The following CABCOCO1 variants were observed in gnomAD, a reference collection of about 807,000 sequenced individuals.
CABCOCO1 encodes ciliary associated calcium binding coiled-coil 1.
In CABCOCO1, 28 loss-of-function variants were observed where a neutral mutation model predicts 35.7. The observed-to-expected ratio is 0.78, with a 90% confidence interval of 0.58 to 1.07. The LOEUF is 1.07. Ranked by LOEUF, CABCOCO1 falls within the 50% of genes least tolerant of loss-of-function variation. The pLI is 0.00. For synonymous variants in CABCOCO1, 95 were observed against 100.1 expected, an observed-to-expected ratio of 0.95 and a Z score of 0.30; for missense variants, 326 against 309.2, an observed-to-expected ratio of 1.05 and a Z score of -0.41.
chr10:61,703,821 A>G (rs1170676432), intron 5 of CABCOCO1, among the ~76,000 whole-genome samples: 3 of 152,134 alleles, frequency 2.0e-5, no homozygotes, highest in Non-Finnish European at 4.4e-5. Context: ...TTCTTACTAC[A>G]TATCTTTAGC....
chr10:61,676,050 G>C (rs780594379), intron 2 of CABCOCO1, among the ~76,000 whole-genome samples: 1 of 152,122 alleles, frequency 6.6e-6, no homozygotes, highest in African/African-American at 2.4e-5. Flanking sequence ...AAAATAACAG[G>C]CCTCAGACTT....
chr10:61,691,000 A>G (rs1415026725), intron 5 of CABCOCO1, among the ~76,000 whole-genome samples: 2 of 151,978 alleles, frequency 1.3e-5, no homozygotes, highest in East Asian at 3.8e-4. Context: ...CTAATTTCAC[A>G]TTTTTTTTCA....
chr10:61,735,088 G>A (rs1841386486), intron 5 of CABCOCO1, among the ~76,000 whole-genome samples: 1 of 152,090 alleles, frequency 6.6e-6, no homozygotes, highest in South Asian at 2.1e-4. Flanking sequence ...GAGCGAAGGT[G>A]ATATCTAAGA....
At chr10:61,719,727 C>G (rs935044077) in intron 5 of CABCOCO1, among the ~76,000 whole-genome samples, 3 of 152,062 alleles carry the variant, frequency 2.0e-5, no homozygotes, top group South Asian at 2.1e-4. Context: ...CAAGACCAAC[C>G]TGGCCAACAT....
intron 5 of CABCOCO1, among the ~76,000 whole-genome samples, chr10:61,744,356 G>T (rs1473419658): frequency 1.3e-5 from 2 of 152,088 alleles, no homozygotes; most frequent in Non-Finnish European, 2.9e-5. Flanking sequence ...GTCATATTTT[G>T]AGAATGCAGT....
chr10:61,723,305 C>T (rs1841067589), intron 5 of CABCOCO1, among the ~76,000 whole-genome samples: 1 of 152,126 alleles, frequency 6.6e-6, no homozygotes, highest in Admixed American at 6.6e-5. Flanking sequence ...CTGATAGGGG[C>T]TTTTACTAAA....
chr10:61,737,217 T>G (rs908150694), intron 5 of CABCOCO1, among the ~76,000 whole-genome samples: 9 of 152,118 alleles, frequency 5.9e-5, no homozygotes, highest in African/African-American at 2.2e-4. Flanking sequence ...TATCACTGAT[T>G]ATTAGAGAAA....
At chr10:61,667,729 T>C (rs1839235232) in intron 1 of CABCOCO1, among the ~76,000 whole-genome samples, 1 of 151,914 alleles carries the variant, frequency 6.6e-6, no homozygotes, top group South Asian at 2.1e-4. Context: ...TATAGAACCA[T>C]CTTGCCAAAT....
chr10:61,694,557 A>G (rs1840243209), intron 5 of CABCOCO1, among the ~76,000 whole-genome samples: 1 of 151,948 alleles, frequency 6.6e-6, no homozygotes, highest in Non-Finnish European at 1.5e-5. Flanking sequence ...AATGGAAGAC[A>G]TATTCCATAA....
chr10:61,763,611 G>A (rs1277019780), intron 7 of CABCOCO1, among the ~76,000 whole-genome samples: 1 of 152,050 alleles, frequency 6.6e-6, no homozygotes, highest in South Asian at 2.1e-4. Context: ...ATTACATGTT[G>A]GCTGTTGGCC....
chr10:61,680,664 TG>T (rs1839734316), intron 2 of CABCOCO1, among the ~76,000 whole-genome samples: 3 of 67,646 alleles, frequency 4.4e-5, no homozygotes, highest in African/African-American at 9.3e-5. Flanking sequence ...ATGTTATACA[TG>T]TATAACATAT....
intron 5 of CABCOCO1, among the ~76,000 whole-genome samples, chr10:61,734,137 T>A (rs1221715263): frequency 6.6e-6 from 1 of 152,182 alleles, no homozygotes; most frequent in East Asian, 1.9e-4. Context: ...ATTTGGTTCA[T>A]TTGTTTTTTC....
intron 5 of CABCOCO1, among the ~76,000 whole-genome samples, chr10:61,726,896 GAAA>G: frequency 1.1e-5 from 1 of 88,650 alleles, no homozygotes; most frequent in African/African-American, 4.0e-5. Context: ...CGTCTCTACA[GAAA>G]AAAAAAAAAA....
chr10:61,664,432 T>G (rs1490900177), intron 1 of CABCOCO1, among the ~76,000 whole-genome samples: 1 of 151,880 alleles, frequency 6.6e-6, no homozygotes, highest in East Asian at 1.9e-4. Flanking sequence ...TTAAAAGATG[T>G]AAAGAAGTGC....
intron 1 of CABCOCO1, among the ~76,000 whole-genome samples, chr10:61,666,670 T>A (rs1448341936): frequency 2.6e-5 from 4 of 152,052 alleles, no homozygotes; most frequent in African/African-American, 9.7e-5. Context: ...TATTTTACTA[T>A]AGTTTGGTCT....
intron 5 of CABCOCO1, among the ~76,000 whole-genome samples, chr10:61,757,603 C>A (rs542675501): frequency 6.6e-6 from 1 of 152,094 alleles, no homozygotes; most frequent in East Asian, 1.9e-4. Context: ...GTCAGAACTT[C>A]AGGTTCTTGG....
At chr10:61,728,775 C>A (rs1179063307) in intron 5 of CABCOCO1, among the ~76,000 whole-genome samples, 1 of 152,164 alleles carries the variant, frequency 6.6e-6, no homozygotes, top group Non-Finnish European at 1.5e-5. Flanking sequence ...GTCAACACAA[C>A]TGGCAGCAGT....
chr10:61,755,011 C>A (rs1057401578), intron 5 of CABCOCO1, among the ~76,000 whole-genome samples: 30 of 152,044 alleles, frequency 2.0e-4, no homozygotes, highest in Non-Finnish European at 4.0e-4. Context: ...AAATTTATTT[C>A]CAAGTCAAAA....
rs369422279 is a variant in CABCOCO1, at chr10:61,663,160, C to G, written c.60+128C>G. ...CGAAGAGGCGCCGCACGTCTGGCCC[C>G]GGCTGGTGAGCGGCCTGGGAGGGCG... On this transcript the variant is annotated intron_variant, in intron 1 of 7. Coordinates refer to ENST00000648843, the MANE Select transcript of CABCOCO1 (RefSeq NM_001366906.2). The G allele has an allele frequency of 4.0e-4, 81 of 202,226 alleles. 1 individual carries two copies. In the East Asian group the frequency reaches 0.011, roughly 28 times the overall value. 12.5% of individuals were successfully genotyped at this position (202,226 alleles called of 1,614,324 possible).
Sources: allele counts gnomAD v4.1 joint callset (sites outside exome capture counted in the v4.1 genomes callset), GRCh38; gene constraint gnomAD v4.1.1; transcripts MANE v1.5; gene names NCBI Gene and HGNC (gene_info 2026-07-23, HGNC 2026-07-21).